SAMD4A: variants seen among roughly 807,000 people sequenced by gnomAD.
SAMD4A encodes sterile alpha motif domain containing 4A.
In SAMD4A, 33 loss-of-function variants were observed where a neutral mutation model predicts 81.3. The ratio of observed to expected loss-of-function variants is 0.41; its 90% CI spans 0.31 to 0.54. The LOEUF is 0.54. SAMD4A is among the 20% of genes least tolerant of loss of function. SAMD4A has a pLI of 0.37. For synonymous variants in SAMD4A, 389 were observed against 382.1 expected, an observed-to-expected ratio of 1.02 and a Z score of -0.21; for missense variants, 854 against 951.1, an observed-to-expected ratio of 0.90 and a Z score of 1.34.
intron 3 of SAMD4A, among the ~76,000 whole-genome samples, chr14:54,720,732 C>T (rs1273067852): frequency 6.6e-6 from 1 of 151,930 alleles, no homozygotes; most frequent in African/African-American, 2.4e-5. Flanking sequence ...GCACGTGAAA[C>T]CCAATGCAAA....
At chr14:54,649,727 A>G (rs148758349) in intron 2 of SAMD4A, among the ~76,000 whole-genome samples, 4 of 152,250 alleles carry the variant, frequency 2.6e-5, no homozygotes, top group East Asian at 3.8e-4. Flanking sequence ...GCAAGCAGGC[A>G]TAAGTGTCAG....
intron 2 of SAMD4A, among the ~76,000 whole-genome samples, chr14:54,609,587 C>T (rs2034304220): frequency 6.6e-6 from 1 of 152,180 alleles, no homozygotes; most frequent in South Asian, 2.1e-4. Context: ...CATTCAGATG[C>T]TTTAATGGAG....
rs1045654762 is a variant in SAMD4A, at chr14:54,605,757, CTG to C, written c.196+37647_196+37648del. ...GTCATAAACATATTTGTGTGTAAAA[CTG>C]TATTTTCTTAAAACATTGGGGCATT... On this transcript the variant is annotated intron_variant, in intron 2 of 12. Transcript: ENST00000554335. 1.4e-4 allele frequency among the ~76,000 whole-genome samples: 21 copies of C among 151,872 alleles called. 1 individual carries two copies. Among genetic ancestry groups the C allele is most frequent in the South Asian group, 1.2e-3 (6 of 4,810 alleles).
In SAMD4A at chr14:54,750,541, C is replaced by A. The variant is rs76081150; in HGVS notation, c.1090-910C>A. ...AAATCCACAACTCTTACTGTGAATC[C>A]TAATCATTTACCTGAAGAGATGACT... is the stretch of plus-strand genomic sequence containing the variant. On this transcript the variant is annotated intron_variant, in intron 5 of 12. Transcript: ENST00000554335. Among the ~76,000 whole-genome samples the A allele has an allele frequency of 4.2e-4, 64 of 152,290 alleles. No homozygotes were observed. In the East Asian group the frequency reaches 4.2e-3, roughly 10 times the overall value.
At chr14:54,731,158 T>C (rs2037549880) in intron 3 of SAMD4A, among the ~76,000 whole-genome samples, 1 of 152,152 alleles carries the variant, frequency 6.6e-6, no homozygotes, top group Non-Finnish European at 1.5e-5. Context: ...ACCCAACCCT[T>C]CCCAATTCCT....
chr14:54,705,259 C>T lies in SAMD4A; in HGVS notation c.715+2679C>T, dbSNP rs145307511. ...AACACTGATATGCAGAGTCTTTGCC[C>T]TCATTTTCAGTTCTGATGGGCGCCT... is the stretch of plus-strand genomic sequence containing the variant. On this transcript the variant is annotated intron_variant, in intron 3 of 12. Transcript: ENST00000554335. Among the ~76,000 whole-genome samples, 260 of 152,270 alleles carry T rather than the reference C, an allele frequency of 1.7e-3. 3 individuals are homozygous for T. Among genetic ancestry groups the T allele is most frequent in the Admixed American group, 2.7e-3 (41 of 15,296 alleles).
intron 3 of SAMD4A, among the ~76,000 whole-genome samples, chr14:54,723,010 C>T (rs953705014): frequency 6.6e-6 from 1 of 152,094 alleles, no homozygotes; most frequent in African/African-American, 2.4e-5. Context: ...CCATCTGGTA[C>T]CTTGTGAGTC....
intron 2 of SAMD4A, among the ~76,000 whole-genome samples, chr14:54,679,032 AAGAC>A (rs747741645): frequency 6.6e-6 from 1 of 152,228 alleles, no homozygotes; most frequent in African/African-American, 2.4e-5. Context: ...GGAAACAAGG[AAGAC>A]AGACAGTTTG....
intron 2 of SAMD4A, among the ~76,000 whole-genome samples, chr14:54,699,826 C>A (rs1183000203): frequency 6.6e-6 from 1 of 152,166 alleles, no homozygotes; most frequent in African/African-American, 2.4e-5. Flanking sequence ...GATTCTAAAG[C>A]CTTCCTTGGT....
chr14:54,628,337 G>T (rs1013771421), intron 2 of SAMD4A, among the ~76,000 whole-genome samples: 1 of 152,104 alleles, frequency 6.6e-6, no homozygotes, highest in Non-Finnish European at 1.5e-5. Flanking sequence ...TGGAGACTCC[G>T]CCGGCCTTCA....
At position 54,634,155 on chromosome 14, in the gene SAMD4A, G is replaced by A. The variant is rs374588794; in HGVS notation, c.196+66043G>A. ...ACAAAAATCAGCCAGGGATGGTGGT[G>A]TATGCCTGTAATCCCAGCTACTCGG... On this transcript the variant is annotated intron_variant, in intron 2 of 12. Coordinates refer to ENST00000554335, the MANE Select transcript of SAMD4A (RefSeq NM_015589.6). Among the ~76,000 whole-genome samples, 3 of 152,008 alleles carry A rather than the reference G, an allele frequency of 2.0e-5. No individual in the cohort carries two copies. In the South Asian group the frequency reaches 6.3e-4, roughly 32 times the overall value.
rs765792993 is a variant in SAMD4A at position 54,790,940 on chromosome 14, G to A, written c.*1996G>A. The A allele has an allele frequency of 3.3e-5, 5 of 151,890 alleles. No individual in the cohort carries two copies. The highest frequency in any genetic ancestry group is 2.1e-4 in the South Asian group (1 of 4,824). The allele number at this position is 151,890 out of a possible 1,614,324, so 9.4% of individuals were successfully genotyped here. ...ACAATGTAACCATAGAAAGCCTTTC[G>A]TGAGCAGAGAAGGCTTGAATCCACA... On this transcript the variant is annotated 3_prime_UTR_variant, in exon 13 of 13. Coordinates refer to ENST00000554335, the MANE Select transcript of SAMD4A (RefSeq NM_015589.6).
At chr14:54,695,885 G>A (rs551218550) in intron 2 of SAMD4A, among the ~76,000 whole-genome samples, 45 of 150,592 alleles carry the variant, frequency 3.0e-4, no homozygotes, top group African/African-American at 6.4e-4. Context: ...CCCAGGAGGC[G>A]GAGGTTACAG....
At chr14:54,716,009 C>T (rs2037108660) in intron 3 of SAMD4A, among the ~76,000 whole-genome samples, 2 of 152,068 alleles carry the variant, frequency 1.3e-5, no homozygotes, top group Admixed American at 6.6e-5. Flanking sequence ...AATCACAGGC[C>T]ACTTGAAAGC....
chr14:54,579,821 T>C (rs1019796921), intron 2 of SAMD4A, among the ~76,000 whole-genome samples: 2 of 152,216 alleles, frequency 1.3e-5, no homozygotes, highest in Non-Finnish European at 2.9e-5. Context: ...ATGTGTTACA[T>C]AATTGCTCAT....
At chr14:54,698,337 GTTATAAATATCAATATATTTGGC>G (rs1347781337) in intron 2 of SAMD4A, among the ~76,000 whole-genome samples, 2 of 152,136 alleles carry the variant, frequency 1.3e-5, no homozygotes, top group African/African-American at 4.8e-5. Context: ...ATCTAATTAT[GTTATAAATATCAATATATTTGGC>G]TTATGGCCAC....
At chr14:54,669,183 T>C (rs926820535) in intron 2 of SAMD4A, among the ~76,000 whole-genome samples, 1 of 152,172 alleles carries the variant, frequency 6.6e-6, no homozygotes, top group African/African-American at 2.4e-5. Flanking sequence ...CCACATTTTC[T>C]CCCTTACATC....
chr14:54,737,404 T>C, intron 4 of SAMD4A, 117 bp downstream of exon 4: 1 of 1,223,684 alleles, frequency 8.2e-7, no homozygotes, highest in Non-Finnish European at 1.1e-6. Context: ...TCCCCAGGCT[T>C]ACGCATTTGA....
intron 2 of SAMD4A, among the ~76,000 whole-genome samples, chr14:54,625,900 T>C (rs553821108): frequency 1.9e-4 from 29 of 152,026 alleles, no homozygotes; most frequent in African/African-American, 6.8e-4. Flanking sequence ...TCTTGACTTC[T>C]GCTTCAAACT....
Sources: gnomAD v4.1 joint callset for allele counts (sites outside exome capture counted in the v4.1 genomes callset) on GRCh38, gnomAD v4.1.1 for gene constraint, MANE v1.5 for transcripts, NCBI Gene and HGNC (gene_info 2026-07-23, HGNC 2026-07-21) for gene names.